The following GRB2 variants were observed in gnomAD, a reference collection of about 807,000 sequenced individuals.
The protein encoded by GRB2 is growth factor receptor-bound protein 2.
Under a neutral mutation model 27.4 loss-of-function variants are expected in GRB2, and 2 were observed. The ratio of observed to expected loss-of-function variants is 0.07; its 90% CI spans 0.03 to 0.23. The LOEUF is 0.23. Among genes scored for constraint, GRB2 ranks in the 10% least tolerant of loss-of-function variants. The pLI is 1.00. For missense variants in GRB2, 102 were observed against 282.4 expected, an observed-to-expected ratio of 0.36 and a Z score of 4.58; for synonymous variants, 94 against 99.6, an observed-to-expected ratio of 0.94 and a Z score of 0.33.
intron 2 of GRB2, among the ~76,000 whole-genome samples, chr17:75,362,240 T>C (rs2078787576): frequency 6.6e-6 from 1 of 152,226 alleles, no homozygotes; most frequent in Non-Finnish European, 1.5e-5. Flanking sequence ...TTAATCATCA[T>C]CACCTCCGCC....
At chr17:75,326,226 G>C in intron 3 of GRB2, 7 of 577,032 alleles carry the variant, frequency 1.2e-5, no homozygotes. Flanking sequence ...CCATTTCCCA[G>C]AAAGCGACTC....
At chr17:75,331,639 C>T (rs1460224281) in intron 3 of GRB2, among the ~76,000 whole-genome samples, 9 of 152,162 alleles carry the variant, frequency 5.9e-5, no homozygotes, top group Non-Finnish European at 1.2e-4. Flanking sequence ...ACAATAATGG[C>T]CTTCTGCCCA....
rs1555610715 is a variant in GRB2, at chr17:75,354,264, T to TTGGGGGGGGGGG, written c.79-21468_79-21467insCCCCCCCCCCCA. On this transcript the variant is annotated intron_variant, in intron 2 of 5. Coordinates refer to ENST00000316804, the MANE Select transcript of GRB2 (RefSeq NM_002086.5). The stretch of plus-strand genomic sequence containing the variant: ...AAAGTTTATTCATGGTCTTTTTTTT[T>TTGGGGGGGGGGG]GGGGGGGGGGGGGAGATGGAGTTTC... Among the ~76,000 whole-genome samples, 9 of 38,274 alleles carry TTGGGGGGGGGGG rather than the reference T, an allele frequency of 2.4e-4. 1 individual carries two copies. The highest frequency in any genetic ancestry group is 9.9e-4 in the South Asian group (1 of 1,014). The allele number at this position is 38,274 out of a possible 152,430, so 25.1% of individuals were successfully genotyped here.
chr17:75,368,521 CGTTT>C (rs1567869149), intron 2 of GRB2, among the ~76,000 whole-genome samples: 5 of 149,902 alleles, frequency 3.3e-5, no homozygotes, highest in South Asian at 2.1e-4. Flanking sequence ...CTGCGTCAGG[CGTTT>C]GTTTTTTTTT....
intron 2 of GRB2, among the ~76,000 whole-genome samples, chr17:75,368,460 G>C (rs2078834552): frequency 3.3e-5 from 5 of 151,658 alleles, no homozygotes; most frequent in Admixed American, 3.3e-4. Context: ...TCTTGACCTC[G>C]TGATCCATCC....
chr17:75,361,009 C>T (rs1471993171), intron 2 of GRB2, among the ~76,000 whole-genome samples: 3 of 151,978 alleles, frequency 2.0e-5, no homozygotes, highest in South Asian at 2.1e-4. Flanking sequence ...TGGCCTCAAG[C>T]GATCCTCCCA....
chr17:75,375,877 T>C (rs1168778631), intron 2 of GRB2, among the ~76,000 whole-genome samples: 1 of 151,330 alleles, frequency 6.6e-6, no homozygotes, highest in African/African-American at 2.4e-5. Flanking sequence ...TACAAAAATT[T>C]AGCCGGGCGT....
In GRB2 at chr17:75,356,172, A is replaced by G. The variant is rs752148871; in HGVS notation, c.79-23375T>C. On this transcript the variant is annotated intron_variant, in intron 2 of 5. Coordinates refer to ENST00000316804, the MANE Select transcript of GRB2 (RefSeq NM_002086.5). ...TTTTTAATGCATTTCAAAGTTACAG[A>G]TATGAGTACATTTCCCCCTAAATAC... Among the ~76,000 whole-genome samples, 11 of 152,220 alleles carry G rather than the reference A, an allele frequency of 7.2e-5. No homozygotes were observed. In the Middle Eastern group the frequency reaches 0.017, roughly 235 times the overall value.
intron 1 of GRB2, among the ~76,000 whole-genome samples, chr17:75,403,075 C>CAAAAAAAAAAAAAAAAAAAAAAAAA (rs59384819): frequency 2.3e-5 from 1 of 43,174 alleles, no homozygotes; most frequent in Non-Finnish European, 4.1e-5. Context: ...GAATCTGTCT[C>CAAAAAAAAAAAAAAAAAAAAAAAAA]AAAAAAAAAA....
intron 2 of GRB2, among the ~76,000 whole-genome samples, chr17:75,392,514 C>T (rs2079004698): frequency 6.6e-6 from 1 of 152,134 alleles, no homozygotes; most frequent in South Asian, 2.1e-4. Context: ...GACTGCACGT[C>T]CTTTTATAAA....
At chr17:75,402,061 ACAGC>A (rs1293756679) in intron 1 of GRB2, among the ~76,000 whole-genome samples, 3 of 152,210 alleles carry the variant, frequency 2.0e-5, no homozygotes, top group Non-Finnish European at 4.4e-5. Context: ...ACCAAACACC[ACAGC>A]TTAGCCTAGC....
intron 1 of GRB2, among the ~76,000 whole-genome samples, chr17:75,397,230 T>G (rs2079034360): frequency 6.6e-6 from 1 of 152,054 alleles, no homozygotes; most frequent in Non-Finnish European, 1.5e-5. Flanking sequence ...TTCCAAAGGG[T>G]GTGTTTCAGT....
At chr17:75,338,797 G>C (rs1447809207) in intron 2 of GRB2, 1 of 719,774 alleles carries the variant, frequency 1.4e-6, no homozygotes, top group Non-Finnish European at 2.5e-6. Flanking sequence ...AAATATACAA[G>C]TCCTTTCTGT....
chr17:75,324,006 T>C (rs1287117917), intron 4 of GRB2, among the ~76,000 whole-genome samples: 3 of 151,388 alleles, frequency 2.0e-5, no homozygotes, highest in Admixed American at 6.6e-5. Flanking sequence ...GGGACAGTGT[T>C]TCACCATATT....
chr17:75,328,032 A>G (rs1388572659), intron 3 of GRB2, among the ~76,000 whole-genome samples: 5 of 152,212 alleles, frequency 3.3e-5, no homozygotes, highest in Non-Finnish European at 5.9e-5. Flanking sequence ...CTCTAAATAT[A>G]AAAGGACAGG....
At chr17:75,377,441 C>T (rs1408520061) in intron 2 of GRB2, among the ~76,000 whole-genome samples, 7 of 151,580 alleles carry the variant, frequency 4.6e-5, no homozygotes, top group Non-Finnish European at 1.0e-4. Context: ...GGCAACATGG[C>T]GGGATCTTGT....
At position 75,363,678 on chromosome 17, in the gene GRB2, C is replaced by T. The variant is rs930267970; in HGVS notation, c.78+29873G>A. ...ATCGAGACCATCCTGGCCAACATGG[C>T]GAAACCCCATCTCTACTAAAAATAC... On this transcript the variant is annotated intron_variant, in intron 2 of 5. Transcript: ENST00000316804. 6.6e-5 allele frequency among the ~76,000 whole-genome samples: 10 copies of T among 151,124 alleles called. 1 individual carries two copies. The highest frequency in any genetic ancestry group is 1.7e-4 in the African/African-American group (7 of 41,108).
intron 2 of GRB2, among the ~76,000 whole-genome samples, chr17:75,368,292 T>C (rs1175015530): frequency 2.7e-5 from 4 of 149,158 alleles, no homozygotes; most frequent in Non-Finnish European, 4.4e-5. Flanking sequence ...CTTGGCTCAC[T>C]GCAAACTCCG....
At chr17:75,373,955 G>A (rs939711104) in intron 2 of GRB2, among the ~76,000 whole-genome samples, 6 of 151,304 alleles carry the variant, frequency 4.0e-5, no homozygotes, top group Admixed American at 6.6e-5. Flanking sequence ...CACCATGCCC[G>A]GCTAATTTTT....
Sources: allele counts gnomAD v4.1 joint callset (sites outside exome capture counted in the v4.1 genomes callset), GRCh38; gene constraint gnomAD v4.1.1; transcripts MANE v1.5; gene names NCBI Gene and HGNC (gene_info 2026-07-23, HGNC 2026-07-21).